Variants in MYRFL observed in about 807,000 individuals in gnomAD.
MYRFL encodes the protein myelin regulatory factor like, also known as myelin regulatory factor-like protein.
In MYRFL, 88 loss-of-function variants were observed where a neutral mutation model predicts 109.4. That is an observed-to-expected ratio of 0.80 (90% confidence interval 0.68 to 0.96). MYRFL has a LOEUF of 0.96. Among genes scored for constraint, MYRFL ranks in the 40% least tolerant of loss-of-function variants. The probability of loss-of-function intolerance (pLI) is 0.00; values close to 1 mark genes in which losing one functional copy is unlikely to be tolerated. For synonymous variants in MYRFL, 324 were observed against 320.9 expected, an observed-to-expected ratio of 1.01 and a Z score of -0.10; for missense variants, 957 against 954.9, an observed-to-expected ratio of 1.00 and a Z score of -0.03.
At chr12:69,904,846 T>C (rs1954303858) in intron 11 of MYRFL, among the ~76,000 whole-genome samples, 1 of 152,156 alleles carries the variant, frequency 6.6e-6, no homozygotes, top group African/African-American at 2.4e-5. Flanking sequence ...TTTTAGCTAA[T>C]AGAAGTCCTA....
At chr12:69,954,169 A>G (rs554570955) in intron 21 of MYRFL, among the ~76,000 whole-genome samples, 1 of 149,414 alleles carries the variant, frequency 6.7e-6, no homozygotes, top group South Asian at 2.2e-4. Context: ...CATAGTGAAG[A>G]GTCAGATGAT....
At chr12:69,845,870 G>A (rs1483461476) in intron 1 of MYRFL, among the ~76,000 whole-genome samples, 1 of 151,000 alleles carries the variant, frequency 6.6e-6, no homozygotes, top group Non-Finnish European at 1.5e-5. Flanking sequence ...AGCAAAGCAC[G>A]GAACAAAGTA....
chr12:69,877,606 G>A lies in MYRFL; in HGVS notation c.138-1422G>A, dbSNP rs79342168. Reference sequence around the variant, plus strand: ...GGTCTCTGCTCATATTCTTTATTATGTCTCTTTATTCCTTTACATTTATTT... The same window carrying A: ...GGTCTCTGCTCATATTCTTTATTATATCTCTTTATTCCTTTACATTTATTT... On this transcript the variant is annotated intron_variant, in intron 2 of 24. Transcript: ENST00000552032. 9.8e-3 allele frequency among the ~76,000 whole-genome samples: 1,484 copies of A among 152,188 alleles called. 13 individuals are homozygous for A. Among genetic ancestry groups the A allele is most frequent in the Non-Finnish European group, 0.016 (1,096 of 67,994 alleles).
chr12:69,931,570 C>T (rs1250274746), intron 15 of MYRFL, among the ~76,000 whole-genome samples: 2 of 152,168 alleles, frequency 1.3e-5, no homozygotes, highest in African/African-American at 4.8e-5. Flanking sequence ...TTATTCTACC[C>T]AATAAATTAA....
intron 10 of MYRFL, among the ~76,000 whole-genome samples, chr12:69,900,984 T>A (rs1954164263): frequency 2.0e-5 from 3 of 152,168 alleles, no homozygotes; most frequent in Admixed American, 6.5e-5. Context: ...TTGCAAACTG[T>A]TCATGCACAC....
At chr12:69,830,445 G>T (rs4761269) in intron 1 of MYRFL, among the ~76,000 whole-genome samples, 46,755 of 149,564 alleles carry the variant, frequency 0.31, 7,756 homozygotes, top group Admixed American at 0.38. Context: ...AGATAATATA[G>T]AGAGAGATAA....
intron 1 of MYRFL, among the ~76,000 whole-genome samples, chr12:69,827,791 A>G (rs1235120565): frequency 6.6e-6 from 1 of 152,100 alleles, no homozygotes; most frequent in Non-Finnish European, 1.5e-5. Flanking sequence ...TGTGGAATAT[A>G]TAAACACAAT....
chr12:69,938,984 C>G (rs1039708099), intron 19 of MYRFL, among the ~76,000 whole-genome samples: 1 of 152,166 alleles, frequency 6.6e-6, no homozygotes, highest in Admixed American at 6.5e-5. Context: ...GCATTTCCGA[C>G]GGGCTTAAAA....
chr12:69,835,193 A>G (rs2136314529), intron 1 of MYRFL, among the ~76,000 whole-genome samples: 1 of 152,352 alleles, frequency 6.6e-6, no homozygotes, highest in African/African-American at 2.4e-5. Context: ...TATAAAATTC[A>G]TACAGAAAAA....
intron 11 of MYRFL, among the ~76,000 whole-genome samples, chr12:69,905,449 C>T (rs1954323842): frequency 6.6e-6 from 1 of 152,090 alleles, no homozygotes; most frequent in Non-Finnish European, 1.5e-5. Flanking sequence ...TTTCTGTATC[C>T]CCTTCCTGCT....
chr12:69,842,983 G>T (rs982399508), intron 1 of MYRFL, among the ~76,000 whole-genome samples: 1 of 152,182 alleles, frequency 6.6e-6, no homozygotes, highest in Non-Finnish European at 1.5e-5. Context: ...GTAAGTAAAT[G>T]AATAAAGCAA....
At chr12:69,839,654 A>G (rs1463889631) in intron 1 of MYRFL, among the ~76,000 whole-genome samples, 1 of 152,240 alleles carries the variant, frequency 6.6e-6, no homozygotes, top group Admixed American at 6.5e-5. Context: ...AGATAGGGAT[A>G]ATAATAGTAC....
chr12:69,859,295 C>T (rs1402829692), intron 2 of MYRFL, among the ~76,000 whole-genome samples: 1 of 152,080 alleles, frequency 6.6e-6, no homozygotes, highest in East Asian at 1.9e-4. Context: ...TACGTATGCA[C>T]TTGGAAGAAT....
chr12:69,896,933 C>A (rs1954014425), intron 9 of MYRFL, among the ~76,000 whole-genome samples: 1 of 152,230 alleles, frequency 6.6e-6, no homozygotes, highest in Admixed American at 6.5e-5. Context: ...CTCACAGATA[C>A]CACCAACTGG....
At chr12:69,879,595 G>C in intron 4 of MYRFL, 142 bp downstream of exon 4, 1 of 576,422 alleles carries the variant, frequency 1.7e-6, no homozygotes, top group Non-Finnish European at 3.1e-6. Context: ...GACATCGCGA[G>C]GTCCCAGTGT....
At chr12:69,909,287 C>T (rs562551898) in intron 11 of MYRFL, among the ~76,000 whole-genome samples, 11 of 152,130 alleles carry the variant, frequency 7.2e-5, no homozygotes, top group Non-Finnish European at 1.6e-4. Flanking sequence ...GAATCCTAAA[C>T]GATGGTGGAG....
rs1955564756 is a variant in MYRFL, at chr12:69,939,262, G to A, written c.2224+2630G>A. On this transcript the variant is annotated intron_variant, in intron 19 of 24. Coordinates refer to ENST00000552032, the MANE Select transcript of MYRFL (RefSeq NM_182530.3). ...CAGGGCACAGACAAACAAAAAGACA[G>A]CAGTAACCTCTGCAGACTTAAATGT... 7.9e-5 allele frequency among the ~76,000 whole-genome samples: 12 copies of A among 152,276 alleles called. No homozygotes were observed. The South Asian group carries it at 2.5e-3, about 32-fold the overall frequency.
At chr12:69,893,989 ATTT>A (rs60637559) in intron 8 of MYRFL, 149 bp downstream of exon 8, 590 of 113,056 alleles carry the variant, frequency 5.2e-3, no homozygotes, top group Middle Eastern at 0.011. Context: ...AATAATGTTA[ATTT>A]TTTTTTTTTT....
intron 19 of MYRFL, among the ~76,000 whole-genome samples, chr12:69,940,416 T>G (rs10784811): frequency 0.26 from 36,982 of 144,002 alleles, 4,739 homozygotes; most frequent in East Asian, 0.43. Flanking sequence ...TTAAAGAAAA[T>G]AATTTTCAAC....
Sources: allele counts gnomAD v4.1 joint callset (sites outside exome capture counted in the v4.1 genomes callset), GRCh38; gene constraint gnomAD v4.1.1; transcripts MANE v1.5; gene names NCBI Gene and HGNC (gene_info 2026-07-23, HGNC 2026-07-21).